EPCAM: variants seen among roughly 807,000 people sequenced by gnomAD.
EPCAM encodes adenocarcinoma-associated antigen.
A neutral mutation model predicts 40.0 loss-of-function variants in EPCAM; 39 were observed. The observed-to-expected ratio is 0.98, with a 90% CI of 0.76 to 1.27. The LOEUF is 1.27. Among genes scored for constraint, EPCAM ranks in the 50% most tolerant of loss-of-function variants. EPCAM has a pLI of 0.00. For missense variants in EPCAM, 503 were observed against 381.2 expected, an observed-to-expected ratio of 1.32 and a Z score of -2.66; for synonymous variants, 168 against 132.3, an observed-to-expected ratio of 1.27 and a Z score of -1.85.
chr2:47,375,196 G>C (rs781025576), intron 3 of EPCAM, 38 bp from the exon 4 acceptor site: 29 of 1,433,622 alleles, frequency 2.0e-5, no homozygotes, highest in Non-Finnish European at 2.4e-5. Flanking sequence ...ATGGAAGACT[G>C]AGTTATAGTC....
chr2:47,373,205 TAAAAAAAAAAA>T lies in EPCAM; in HGVS notation c.77-238_77-228del, dbSNP rs777057814. ...GGGCCACAGAGTGAGACCCTATCTT[TAAAAAAAAAAA>T]AAAAAAAAAAAAAAAAAAACAGGAA... On this transcript the variant is annotated intron_variant, in intron 1 of 8. Transcript: ENST00000263735. Among the ~76,000 whole-genome samples, 21 of 65,056 alleles carry T rather than the reference TAAAAAAAAAAA, an allele frequency of 3.2e-4. No homozygotes were observed. The South Asian group carries it at 3.4e-3, about 10-fold the overall frequency. The allele number at this position is 65,056 out of a possible 152,430, so 42.7% of individuals were successfully genotyped here.
At chr2:47,375,911 G>A (rs1671410725) in intron 4 of EPCAM, among the ~76,000 whole-genome samples, 1 of 151,952 alleles carries the variant, frequency 6.6e-6, no homozygotes, top group South Asian at 2.1e-4. Context: ...TCACCATATT[G>A]GCCAGGCTGG....
Position 47,369,697 on chromosome 2 carries a change from C to T in EPCAM, c.76+116C>T, listed in dbSNP as rs773832274. On this transcript the variant is annotated intron_variant, in intron 1 of 8. Transcript: ENST00000263735. ...GGAGGGGACCAAGAGGCCGCGCTTT[C>T]CAGCGTGGAGACCGGACGGTGCGGC... The T allele has an allele frequency of 2.3e-5, 26 of 1,115,314 alleles. No individual in the cohort carries two copies. The South Asian group carries it at 3.5e-4, about 15-fold the overall frequency. The allele number at this position is 1,115,314 out of a possible 1,614,324, so 69.1% of individuals were successfully genotyped here.
chr2:47,377,202 G>A, intron 5 of EPCAM, 125 bp downstream of exon 5: 2 of 749,652 alleles, frequency 2.7e-6, no homozygotes, highest in Non-Finnish European at 4.9e-6. Flanking sequence ...TTCGGATCTG[G>A]GTACTTAATG....
intron 1 of EPCAM, 80 bp from the exon 2 acceptor site, chr2:47,373,383 A>T: frequency 2.2e-6 from 2 of 889,896 alleles, no homozygotes; most frequent in Non-Finnish European, 1.8e-6. Flanking sequence ...TTTAGGCATT[A>T]TTATTACAAT....
At chr2:47,377,779 G>C (rs1671465852) in intron 5 of EPCAM, 2 of 464,514 alleles carry the variant, frequency 4.3e-6, no homozygotes, top group Non-Finnish European at 8.9e-6. Context: ...CATCTTCTCT[G>C]CTTTAAGGAA....
At position 47,369,511 on chromosome 2, in the gene EPCAM, G is replaced by A. The variant is rs374563131; in HGVS notation, c.6G>A (p.Ala2=). 1.7e-5 allele frequency: 27 copies of A among 1,553,906 alleles called. No homozygotes were observed. Among genetic ancestry groups the A allele is most frequent in the Non-Finnish European group, 2.1e-5 (24 of 1,156,182 alleles). Residue 2 remains alanine (A), a synonymous_variant, in exon 1 of 9, where the codon GCG becomes GCA. Transcript: ENST00000263735. ...CTTCTCGGCGCGCGCGCAGCATGGCGCCCCCGCAGGTCCTCGCGTTCGGGC... is the reference window on the plus strand; with the variant it reads ...CTTCTCGGCGCGCGCGCAGCATGGCACCCCCGCAGGTCCTCGCGTTCGGGC... M[A]PPQVLAFGLL...
At chr2:47,372,493 G>A (rs1231412626) in intron 1 of EPCAM, among the ~76,000 whole-genome samples, 2 of 151,592 alleles carry the variant, frequency 1.3e-5, no homozygotes, top group African/African-American at 4.9e-5. Flanking sequence ...GAAAAAAAAA[G>A]CCGGGCGCGG....
rs760722807 is a variant in EPCAM, at chr2:47,383,607, C to CTT, written c.859-1515_859-1514dup. On this transcript the variant is annotated intron_variant, in intron 7 of 8. Transcript: ENST00000263735. ...CATGAGCCACTGTGCCCGGCTTCTTCTTTTTTTTTTTTTTTTTTTTTTTTT... is the reference window on the plus strand; with the variant it reads ...CATGAGCCACTGTGCCCGGCTTCTTCTTTTTTTTTTTTTTTTTTTTTTTTTTT... 2.7e-3 allele frequency among the ~76,000 whole-genome samples: 99 copies of CTT among 36,476 alleles called. 32 individuals carry two copies. Among genetic ancestry groups the CTT allele is most frequent in the Non-Finnish European group, 5.3e-3 (80 of 15,160 alleles). The allele number at this position is 36,476 out of a possible 152,430, so 23.9% of individuals were successfully genotyped here.
At chr2:47,372,520 T>TC in intron 1 of EPCAM, among the ~76,000 whole-genome samples, 1 of 151,964 alleles carries the variant, frequency 6.6e-6, no homozygotes. Flanking sequence ...ACACCTGTAA[T>TC]CCCAGCACTT....
rs539530185 is a variant in EPCAM at position 47,386,724 on chromosome 2, C to T, written c.*111C>T. 1.2e-6 allele frequency: 1 copy of T among 852,992 alleles called. No homozygotes were observed. The highest frequency in any genetic ancestry group is 1.5e-5 in the South Asian group (1 of 66,692). The allele number at this position is 852,992 out of a possible 1,614,324, so 52.8% of individuals were successfully genotyped here. ...GAAGGTCATGAGTTTGTTAGTTTAACATCATATATTTGTAATAGTGAAACC... is the reference window on the plus strand; with the variant it reads ...GAAGGTCATGAGTTTGTTAGTTTAATATCATATATTTGTAATAGTGAAACC... On this transcript the variant is annotated 3_prime_UTR_variant, in exon 9 of 9. Coordinates refer to ENST00000263735, the MANE Select transcript of EPCAM (RefSeq NM_002354.3).
chr2:47,376,520 A>G (rs1320744868), intron 4 of EPCAM, among the ~76,000 whole-genome samples: 1 of 152,138 alleles, frequency 6.6e-6, no homozygotes, highest in Non-Finnish European at 1.5e-5. Context: ...TCAGCATCCC[A>G]AAGTGCTGGG....
intron 7 of EPCAM, 49 bp from the exon 8 acceptor site, chr2:47,385,116 CT>C: frequency 4.2e-6 from 6 of 1,413,326 alleles, no homozygotes; most frequent in Middle Eastern, 1.8e-4. Flanking sequence ...TTTAGATAAT[CT>C]TTTTTTGAAT....
intron 7 of EPCAM, among the ~76,000 whole-genome samples, chr2:47,381,539 C>T (rs1336389176): frequency 6.6e-6 from 1 of 152,170 alleles, no homozygotes; most frequent in Non-Finnish European, 1.5e-5. Flanking sequence ...TCCTATTTCA[C>T]TCCACCAGGC....
chr2:47,369,844 G>C (rs1276063153), intron 1 of EPCAM: 2 of 607,004 alleles, frequency 3.3e-6, no homozygotes, highest in Non-Finnish European at 6.3e-6. Flanking sequence ...GCGGGGGACA[G>C]GCAGGGAACG....
intron 6 of EPCAM, 40 bp downstream of exon 6, chr2:47,379,094 G>C (rs565235711): frequency 3.9e-6 from 4 of 1,030,034 alleles, no homozygotes; most frequent in South Asian, 3.8e-5. Flanking sequence ...CAGGAATGTA[G>C]TCTATCATGC....
intron 4 of EPCAM, 63 bp downstream of exon 4, chr2:47,375,362 C>A (rs1671395594): frequency 6.5e-6 from 7 of 1,075,178 alleles, no homozygotes; most frequent in Non-Finnish European, 1.0e-5. Flanking sequence ...CCATCCTACA[C>A]CATTAGAAAA....
rs1198639952 is a variant in EPCAM, at chr2:47,385,245, G to A, written c.903+35G>A. 1.9e-6 allele frequency: 3 copies of A among 1,554,948 alleles called. No homozygotes were observed. The South Asian group carries it at 3.3e-5, about 17-fold the overall frequency. On this transcript the variant is annotated intron_variant, in intron 8 of 8. Coordinates refer to ENST00000263735, the MANE Select transcript of EPCAM (RefSeq NM_002354.3). ...TTACTTACCTAAATAGAAAGGCCCTGTTGAATCTCTTACTCCTAATCACTC... is the reference window on the plus strand; with the variant it reads ...TTACTTACCTAAATAGAAAGGCCCTATTGAATCTCTTACTCCTAATCACTC...
intron 7 of EPCAM, among the ~76,000 whole-genome samples, chr2:47,380,943 T>G (rs887321833): frequency 6.7e-6 from 1 of 148,734 alleles, no homozygotes; most frequent in Non-Finnish European, 1.5e-5. Context: ...ACAAAAAAAT[T>G]AGCTGGGCGT....
Sources: gnomAD v4.1 joint callset for allele counts (sites outside exome capture counted in the v4.1 genomes callset) on GRCh38, gnomAD v4.1.1 for gene constraint, MANE v1.5 for transcripts, NCBI Gene and HGNC (gene_info 2026-07-23, HGNC 2026-07-21) for gene names.